The following TTC21B variants were observed in gnomAD, a reference collection of about 807,000 sequenced individuals.
The protein encoded by TTC21B is tetratricopeptide repeat domain 21B, also known as tetratricopeptide repeat protein 21B.
In TTC21B, 127 loss-of-function variants were observed where a neutral mutation model predicts 175.1. That is an observed-to-expected ratio of 0.73 (90% CI 0.63 to 0.84). The LOEUF (loss-of-function observed/expected upper bound fraction) is 0.84. TTC21B is among the 40% of genes least tolerant of loss of function. TTC21B has a pLI of 0.00. For missense variants in TTC21B, 1,561 were observed against 1,558.3 expected (o/e 1.00, Z -0.03); for synonymous variants, 524 against 524.5 (o/e 1.00, Z 0.01).
Position 165,914,322 on chromosome 2 carries a change from T to A in TTC21B, c.2139-676A>T, listed in dbSNP as rs578163843. Among the ~76,000 whole-genome samples the A allele has an allele frequency of 2.0e-5, 3 of 152,290 alleles. No individual in the cohort carries two copies. The South Asian group carries it at 6.2e-4, about 32-fold the overall frequency. On this transcript the variant is annotated intron_variant, in intron 15 of 28. Coordinates refer to ENST00000243344, the MANE Select transcript of TTC21B (RefSeq NM_024753.5). ...AAACCTATACTTTTAACTATTACAT[T>A]ATAGTACATCAAAAATAAATCAACC...
intron 27 of TTC21B, among the ~76,000 whole-genome samples, chr2:165,879,386 T>C (rs1334060120): frequency 6.6e-6 from 1 of 152,238 alleles, no homozygotes; most frequent in Non-Finnish European, 1.5e-5. Flanking sequence ...AAAAATACTA[T>C]AAAAATCATT....
rs780401103 is a variant in TTC21B, at chr2:165,903,627, A to G, written c.2569-1717T>C. Among the ~76,000 whole-genome samples, 47 of 152,226 alleles carry G rather than the reference A, an allele frequency of 3.1e-4. 1 individual carries two copies. The highest frequency in any genetic ancestry group is 4.4e-5 in the Non-Finnish European group (3 of 68,038). ...GATGGAGTCAGCTAAAAGATGACAGAGAGGGCTACGGAAATGCGGAGTTAT... is the reference window on the plus strand; with the variant it reads ...GATGGAGTCAGCTAAAAGATGACAGGGAGGGCTACGGAAATGCGGAGTTAT... On this transcript the variant is annotated intron_variant, in intron 19 of 28. Transcript: ENST00000243344.
chr2:165,919,656 G>A (rs1357736364), intron 12 of TTC21B, among the ~76,000 whole-genome samples: 1 of 152,130 alleles, frequency 6.6e-6, no homozygotes, highest in Non-Finnish European at 1.5e-5. Flanking sequence ...TGATCCTAAC[G>A]AACAAGCCAG....
chr2:165,906,462 G>A (rs1452283993), intron 19 of TTC21B, among the ~76,000 whole-genome samples: 1 of 151,880 alleles, frequency 6.6e-6, no homozygotes, highest in Non-Finnish European at 1.5e-5. Flanking sequence ...CTTTTTCACT[G>A]CATTTGTAGA....
chr2:165,879,623 T>A (rs577621130), intron 27 of TTC21B: 1 of 152,328 alleles, frequency 6.6e-6, no homozygotes, highest in East Asian at 1.9e-4. Flanking sequence ...AGCTTAATTA[T>A]ACTTATAAGA....
rs773580610 is a variant in TTC21B at position 165,941,186 on chromosome 2, T to A, written c.553-2A>T. ...CTGGCGCATCTCAAGGCATTGTGCC[T>A]AATGGAAGGGAAAAAAAGTGATATC... On this transcript the variant is annotated splice_acceptor_variant, in intron 5 of 28. Transcript: ENST00000243344. LOFTEE classifies it high-confidence loss of function. 1 of 1,613,824 alleles carries A rather than the reference T, an allele frequency of 6.2e-7. No individual in the cohort carries two copies. The highest frequency in any genetic ancestry group is 8.5e-7 in the Non-Finnish European group (1 of 1,179,782).
rs764014203 is a variant in TTC21B, at chr2:165,949,694, A to ATC, written c.50_51dup (p.Tyr18AspfsTer32). The ATC allele has an allele frequency of 1.2e-6, 2 of 1,612,348 alleles. No homozygotes were observed. Among genetic ancestry groups the ATC allele is most frequent in the Non-Finnish European group, 1.7e-6 (2 of 1,178,886 alleles). ...GCAACCAGTAATACATGATGGAAAT[A>ATC]TCTCTCTTGACAATAGTAATTAATC... On this transcript the variant is annotated frameshift_variant, in exon 2 of 29. Coordinates refer to ENST00000243344, the MANE Select transcript of TTC21B (RefSeq NM_024753.5). LOFTEE classifies it high-confidence loss of function.
intron 11 of TTC21B, among the ~76,000 whole-genome samples, chr2:165,924,929 T>G (rs1380162100): frequency 1.3e-5 from 2 of 150,150 alleles, no homozygotes; most frequent in Non-Finnish European, 3.0e-5. Context: ...TATACAATTC[T>G]AAATGGATAA....
At chr2:165,913,516 T>C (rs558242048) in intron 16 of TTC21B, 58 bp downstream of exon 16, 3 of 1,107,600 alleles carry the variant, frequency 2.7e-6, no homozygotes, top group South Asian at 2.5e-5. Context: ...TAATAGGAAG[T>C]TGTACTCATC....
At chr2:165,917,506 C>T (rs376674005) in intron 13 of TTC21B, 25 bp from the exon 14 acceptor site, 2 of 1,547,118 alleles carry the variant, frequency 1.3e-6, no homozygotes. Context: ...TTAATATTTC[C>T]TTGGAGTGCT....
rs919741867 is a variant in TTC21B at position 165,943,149 on chromosome 2, T to G, written c.552+70A>C. On this transcript the variant is annotated intron_variant, in intron 5 of 28. Transcript: ENST00000243344. ...TTATCAACTTTTTTGAGCTACTTGG[T>G]TTTGTCAGGTTTCAAATATATTATG... is the stretch of plus-strand genomic sequence containing the variant. 31 of 1,537,566 alleles carry G rather than the reference T, an allele frequency of 2.0e-5. No homozygotes were observed. The East Asian group carries it at 6.8e-4, about 34-fold the overall frequency.
At chr2:165,908,356 T>A (rs1050513779) in intron 18 of TTC21B, among the ~76,000 whole-genome samples, 6 of 152,194 alleles carry the variant, frequency 3.9e-5, no homozygotes, top group Non-Finnish European at 5.9e-5. Context: ...ACAGGGTGGA[T>A]GCAAGATTTT....
Position 165,927,064 on chromosome 2 carries a change from GTAGATATATA to G in TTC21B, c.1386+2061_1386+2070del, listed in dbSNP as rs1418794110. Among the ~76,000 whole-genome samples, 36 of 17,218 alleles carry G rather than the reference GTAGATATATA, an allele frequency of 2.1e-3. 8 individuals are homozygous for G. Among genetic ancestry groups the G allele is most frequent in the African/African-American group, 7.5e-3 (36 of 4,776 alleles). The allele number at this position is 17,218 out of a possible 152,430, so 11.3% of individuals were successfully genotyped here. A position where few individuals can be genotyped will look rare whatever the true frequency, so the allele number is the denominator to read the frequency against. ...TATATGTGTATATATATATATCCTA[GTAGATATATA>G]TATATATATATCCTAGTAGATATAT... On this transcript the variant is annotated intron_variant, in intron 11 of 28. Coordinates refer to ENST00000243344, the MANE Select transcript of TTC21B (RefSeq NM_024753.5).
At position 165,943,252 on chromosome 2, in the gene TTC21B, T is replaced by A. The variant is rs1193412129; in HGVS notation, c.519A>T (p.Gln173His). Residue 173 changes from glutamine to histidine, a missense_variant, in exon 5 of 29, where the codon CAA (glutamine) becomes CAT (histidine). Physicochemically the swap from Gln to His is conservative, Grantham distance 24. Transcript: ENST00000243344. ...GCAGAGCAAAAGTATCATTCCCATC[T>A]TGGAGTCCCTCTTCAAAATACTTCA... Reference protein sequence around the residue: ...KALKYFEEGLQDGNDTFALLG... With the variant: ...KALKYFEEGLHDGNDTFALLG... 1 of 1,613,706 alleles carries A rather than the reference T, an allele frequency of 6.2e-7. No homozygotes were observed. The highest frequency in any genetic ancestry group is 1.7e-5 in the Admixed American group (1 of 60,026).
At chr2:165,943,428 A>T in intron 4 of TTC21B, 87 bp from the exon 5 acceptor site, 1 of 1,069,454 alleles carries the variant, frequency 9.4e-7, no homozygotes, top group Non-Finnish European at 1.4e-6. Flanking sequence ...TTTTCTGGCA[A>T]TTAATAACAA....
chr2:165,935,538 G>A (rs1369867432), intron 6 of TTC21B, among the ~76,000 whole-genome samples: 2 of 151,990 alleles, frequency 1.3e-5, no homozygotes, highest in African/African-American at 4.8e-5. Context: ...GTTTACAGAT[G>A]ACATGAACAT....
chr2:165,929,381 G>T, intron 10 of TTC21B, 46 bp from the exon 11 acceptor site: 1 of 1,468,654 alleles, frequency 6.8e-7, no homozygotes, highest in Non-Finnish European at 9.4e-7. Flanking sequence ...TAGTTATAAA[G>T]CCATTTATTT....
intron 27 of TTC21B, among the ~76,000 whole-genome samples, chr2:165,878,723 C>T (rs1240655160): frequency 6.8e-6 from 1 of 147,202 alleles, no homozygotes; most frequent in Non-Finnish European, 1.5e-5. Flanking sequence ...ACTCCGTCAA[C>T]CAGGCTGCAG....
chr2:165,943,743 A>G (rs1039979604), intron 4 of TTC21B, among the ~76,000 whole-genome samples: 17 of 152,294 alleles, frequency 1.1e-4, no homozygotes, highest in African/African-American at 3.4e-4. Flanking sequence ...GAAATAACAG[A>G]AGAAGCCTTG....
Sources: allele counts gnomAD v4.1 joint callset (sites outside exome capture counted in the v4.1 genomes callset), GRCh38; gene constraint gnomAD v4.1.1; transcripts MANE v1.5; gene names NCBI Gene and HGNC (gene_info 2026-07-23, HGNC 2026-07-21).